Variants in MRO observed in about 807,000 individuals in gnomAD.
The protein encoded by MRO is protein maestro.
A neutral mutation model predicts 31.0 loss-of-function variants in MRO; 28 were observed. That is an observed-to-expected ratio of 0.90 (90% confidence interval 0.67 to 1.24). MRO has a LOEUF of 1.24. Among genes scored for constraint, MRO ranks in the 50% most tolerant of loss-of-function variants. MRO has a pLI of 0.00. For synonymous variants in MRO, 108 were observed against 108.4 expected (o/e 1.00, Z 0.02); for missense variants, 332 against 289.2 (o/e 1.15, Z -1.07).
intron 5 of MRO, among the ~76,000 whole-genome samples, chr18:50,802,971 C>T (rs1913534903): frequency 1.3e-5 from 2 of 150,302 alleles, no homozygotes; most frequent in African/African-American, 2.5e-5. Context: ...GAATGTACCC[C>T]ATTCAAAGCC....
At chr18:50,804,139 T>G (rs1247513568) in intron 5 of MRO, among the ~76,000 whole-genome samples, 2 of 152,248 alleles carry the variant, frequency 1.3e-5, no homozygotes. Context: ...ATAATTACAG[T>G]GCCCATCTCA....
At position 50,796,450 on chromosome 18, in the gene MRO, T is replaced by A. The variant is rs1912801561; in HGVS notation, c.*2887A>T. The A allele has an allele frequency of 6.6e-6, 1 of 151,292 alleles. No homozygotes were observed. The highest frequency in any genetic ancestry group is 2.4e-5 in the African/African-American group (1 of 41,148). The allele number at this position is 151,292 out of a possible 1,614,324, so 9.4% of individuals were successfully genotyped here. On this transcript the variant is annotated 3_prime_UTR_variant, in exon 8 of 8. Coordinates refer to ENST00000398439, the MANE Select transcript of MRO (RefSeq NM_031939.6). ...AAAAAAAAACTTTTCAGATAAGATA[T>A]AAGTGGTATAATATTGCTAGAATGT...
In MRO at chr18:50,819,682, A is replaced by C. The variant is rs1183017226; in HGVS notation, c.-106T>G. On this transcript the variant is annotated 5_prime_UTR_variant, in exon 2 of 8. In the 5' UTR this introduces an upstream ATG that the reference lacks. Transcript: ENST00000398439. Reference sequence around the variant, plus strand: ...GTAGCCAAATGTGATGACTCGGCTAAATTTTCCCAGCCCTGAATTCCTAAC... The same window carrying C: ...GTAGCCAAATGTGATGACTCGGCTACATTTTCCCAGCCCTGAATTCCTAAC... 23 of 1,551,120 alleles carry C rather than the reference A, an allele frequency of 1.5e-5. No homozygotes were observed. The highest frequency in any genetic ancestry group is 2.0e-5 in the Non-Finnish European group (23 of 1,146,598).
At chr18:50,813,533 C>T (rs1020281009) in intron 2 of MRO, among the ~76,000 whole-genome samples, 3 of 152,184 alleles carry the variant, frequency 2.0e-5, no homozygotes, top group African/African-American at 7.2e-5. Context: ...GGCAGCAGGG[C>T]CTAATAATTT....
upstream of MRO, among the ~76,000 whole-genome samples, chr18:50,823,375 C>A (rs1028019063): frequency 6.6e-6 from 1 of 152,206 alleles, no homozygotes; most frequent in Non-Finnish European, 1.5e-5. Flanking sequence ...GAGGCAGGAG[C>A]GCCCCGTGGC....
chr18:50,799,061 A>G lies in MRO; in HGVS notation c.*276T>C. 2 of 346,626 alleles carry G rather than the reference A, an allele frequency of 5.8e-6. No homozygotes were observed. Among genetic ancestry groups the G allele is most frequent in the Non-Finnish European group, 5.3e-6 (1 of 188,144 alleles). 21.5% of individuals were successfully genotyped at this position (346,626 alleles called of 1,614,324 possible). On this transcript the variant is annotated 3_prime_UTR_variant, in exon 8 of 8. Coordinates refer to ENST00000398439, the MANE Select transcript of MRO (RefSeq NM_031939.6). ...AAGCTGAGAAATAAGCACTGAATCTATATACACTTGGAATGTTTTAAAGAA... is the reference window on the plus strand; with the variant it reads ...AAGCTGAGAAATAAGCACTGAATCTGTATACACTTGGAATGTTTTAAAGAA...
chr18:50,805,881 A>T (rs939374409), intron 4 of MRO, among the ~76,000 whole-genome samples: 1 of 151,948 alleles, frequency 6.6e-6, no homozygotes, highest in Admixed American at 6.6e-5. Flanking sequence ...ACCCTGAATG[A>T]GTCTCCTCCC....
exon 1 of MRO, chr18:50,825,367 T>C (rs1186335627): frequency 6.6e-6 from 1 of 152,206 alleles, no homozygotes; most frequent in East Asian, 1.9e-4. Flanking sequence ...CTCATCCTCA[T>C]GAAGGGTGAA....
At chr18:50,808,113 A>G in intron 3 of MRO, among the ~76,000 whole-genome samples, 1 of 152,166 alleles carries the variant, frequency 6.6e-6, no homozygotes, top group Non-Finnish European at 1.5e-5. Flanking sequence ...ACAAACACAA[A>G]CACCAAACTC....
intron 6 of MRO, among the ~76,000 whole-genome samples, chr18:50,801,147 G>A (rs1200041434): frequency 6.6e-6 from 1 of 152,192 alleles, no homozygotes; most frequent in Non-Finnish European, 1.5e-5. Context: ...GCTTGGGCAG[G>A]TGGGGCAGAT....
intron 2 of MRO, chr18:50,814,705 G>C (rs77048064): frequency 5.7e-6 from 1 of 176,772 alleles, no homozygotes; most frequent in South Asian, 1.4e-4. Flanking sequence ...GAAGTAATAA[G>C]GAAGAGACAG....
intron 5 of MRO, among the ~76,000 whole-genome samples, chr18:50,803,933 G>A (rs1913658805): frequency 6.6e-6 from 1 of 152,266 alleles, no homozygotes; most frequent in African/African-American, 2.4e-5. Flanking sequence ...TTAGCTTGCA[G>A]TCAGGGTCTC....
chr18:50,809,143 T>A (rs140118376), intron 3 of MRO, among the ~76,000 whole-genome samples, 159 bp downstream of exon 3: 1,755 of 45,070 alleles, frequency 0.039, 105 homozygotes, highest in Non-Finnish European at 0.057. Context: ...AGACTCCGTC[T>A]CAAAAAAAAA....
chr18:50,817,293 T>A (rs1374780336), intron 2 of MRO, among the ~76,000 whole-genome samples: 2 of 152,088 alleles, frequency 1.3e-5, no homozygotes, highest in Admixed American at 1.3e-4. Flanking sequence ...CATTTCTCAG[T>A]GTTGGTTGCA....
intron 2 of MRO, chr18:50,815,461 T>A (rs1914828731): frequency 3.6e-6 from 1 of 278,038 alleles, no homozygotes; most frequent in Non-Finnish European, 7.2e-6. Context: ...GTGATCCTGG[T>A]CGTAATAGTA....
rs1913810628 is a variant in MRO at position 50,805,279 on chromosome 18, C to T, written c.304G>A (p.Val102Met). 1.2e-6 allele frequency: 2 copies of T among 1,614,014 alleles called. No homozygotes were observed. The highest frequency in any genetic ancestry group is 1.3e-5 in the African/African-American group (1 of 74,928). The change falls in exon 5 of 8, where the codon GTG becomes ATG. Residue 102 changes from valine (V) to methionine (M), a missense_variant. Coordinates refer to ENST00000398439, the MANE Select transcript of MRO (RefSeq NM_031939.6). Reference sequence around the variant, plus strand: ...CTCTCATGGATGACTTCCAAATTCACAGGGTCATACAGTCCATACACCAGC... The same window carrying T: ...CTCTCATGGATGACTTCCAAATTCATAGGGTCATACAGTCCATACACCAGC... ...DLLVYGLYDPVNLEVIHESMK... is the reference protein window; with the variant it reads ...DLLVYGLYDPMNLEVIHESMK...
intron 2 of MRO, among the ~76,000 whole-genome samples, chr18:50,816,784 C>A (rs559719770): frequency 1.3e-5 from 2 of 152,142 alleles, no homozygotes; most frequent in East Asian, 1.9e-4. Context: ...ATTTCAAAAT[C>A]AAAATAAAAG....
upstream of MRO, among the ~76,000 whole-genome samples, chr18:50,824,697 G>A (rs547433873): frequency 3.3e-3 from 478 of 146,140 alleles, no homozygotes; most frequent in Admixed American, 4.7e-3. Context: ...CTTGTGATCC[G>A]CCCACCTCGG....
rs965021036 is a variant in MRO at position 50,798,146 on chromosome 18, G to A, written c.*1191C>T. The A allele has an allele frequency of 1.3e-5, 2 of 152,178 alleles. No homozygotes were observed. The highest frequency in any genetic ancestry group is 4.8e-5 in the African/African-American group (2 of 41,442). The allele number at this position is 152,178 out of a possible 1,614,324, so 9.4% of individuals were successfully genotyped here. A position where few individuals can be genotyped will look rare whatever the true frequency, so the allele number is the denominator to read the frequency against. On this transcript the variant is annotated 3_prime_UTR_variant, in exon 8 of 8. Coordinates refer to ENST00000398439, the MANE Select transcript of MRO (RefSeq NM_031939.6). Reference sequence around the variant, plus strand: ...TACCAGAGTTTCTATAGAAGCTTGGGATGCAATCTGGTTAGAGGGAGGGTG... The same window carrying A: ...TACCAGAGTTTCTATAGAAGCTTGGAATGCAATCTGGTTAGAGGGAGGGTG...
Sources: gnomAD v4.1 joint callset for allele counts (sites outside exome capture counted in the v4.1 genomes callset) on GRCh38, gnomAD v4.1.1 for gene constraint, MANE v1.5 for transcripts, NCBI Gene and HGNC (gene_info 2026-07-23, HGNC 2026-07-21) for gene names.